Variants in COMMD10 observed in about 807,000 individuals in gnomAD.
COMMD10 encodes COMM domain-containing protein 10.
In COMMD10, 33 loss-of-function variants were observed where a neutral mutation model predicts 28.9. The observed-to-expected ratio is 1.14, with a 90% confidence interval of 0.87 to 1.53. The LOEUF (loss-of-function observed/expected upper bound fraction) is 1.53. Among genes scored for constraint, COMMD10 ranks in the 40% most tolerant of loss-of-function variants. COMMD10 has a pLI of 0.00. For missense variants in COMMD10, 310 were observed against 233.4 expected (o/e 1.33, Z -2.14); for synonymous variants, 110 against 81.7 (o/e 1.35, Z -1.87).
chr5:116,150,333 A>G (rs1048948676), intron 5 of COMMD10, among the ~76,000 whole-genome samples: 18 of 152,098 alleles, frequency 1.2e-4, no homozygotes, highest in Admixed American at 2.6e-4. Context: ...TTGACTTGGC[A>G]ATGCGGGCTC....
At chr5:116,155,681 C>T (rs1208498443) in intron 5 of COMMD10, among the ~76,000 whole-genome samples, 1 of 151,716 alleles carries the variant, frequency 6.6e-6, no homozygotes, top group Non-Finnish European at 1.5e-5. Flanking sequence ...GTTGTTTTTT[C>T]CCCTCCATAT....
At chr5:116,156,471 G>A (rs1260118423) in intron 5 of COMMD10, among the ~76,000 whole-genome samples, 1 of 152,132 alleles carries the variant, frequency 6.6e-6, no homozygotes, top group Non-Finnish European at 1.5e-5. Context: ...GGTCTTTCCA[G>A]ATTGGGGCTG....
intron 5 of COMMD10, among the ~76,000 whole-genome samples, chr5:116,248,495 A>G (rs1056551583): frequency 3.3e-5 from 5 of 152,020 alleles, no homozygotes; most frequent in Admixed American, 2.0e-4. Flanking sequence ...GTGCTGATCT[A>G]TGCCAGGTGT....
At chr5:116,212,092 T>A (rs1456417600) in intron 5 of COMMD10, among the ~76,000 whole-genome samples, 4 of 152,178 alleles carry the variant, frequency 2.6e-5, no homozygotes, top group Non-Finnish European at 4.4e-5. Context: ...TTTTAATTCT[T>A]AATTCCTTCC....
At chr5:116,123,926 C>T (rs1318096164) in intron 4 of COMMD10, among the ~76,000 whole-genome samples, 1 of 66,636 alleles carries the variant, frequency 1.5e-5, no homozygotes, top group African/African-American at 3.0e-5. Context: ...TCCCCTTTAT[C>T]ATTTTTTTTT....
At chr5:116,087,671 G>A in intron 2 of COMMD10, 84 bp downstream of exon 2, 1 of 907,052 alleles carries the variant, frequency 1.1e-6, no homozygotes, top group South Asian at 1.4e-5. Context: ...TTTTTGCAAA[G>A]CATAGTGTTC....
At chr5:116,113,644 A>G (rs894703916) in intron 4 of COMMD10, among the ~76,000 whole-genome samples, 2 of 151,932 alleles carry the variant, frequency 1.3e-5, no homozygotes, top group South Asian at 2.1e-4. Flanking sequence ...GGATTTTTTT[A>G]AAGACGTCTA....
chr5:116,164,864 T>C (rs987565638), intron 5 of COMMD10, among the ~76,000 whole-genome samples: 1 of 152,138 alleles, frequency 6.6e-6, no homozygotes, highest in African/African-American at 2.4e-5. Context: ...TAATGTGCCC[T>C]TGGCAAGGAG....
intron 5 of COMMD10, among the ~76,000 whole-genome samples, chr5:116,255,190 G>T (rs948340621): frequency 3.3e-5 from 5 of 151,664 alleles, no homozygotes; most frequent in African/African-American, 1.2e-4. Context: ...GCCTATGTGT[G>T]TCTCTGCCCG....
intron 4 of COMMD10, among the ~76,000 whole-genome samples, chr5:116,130,605 T>A (rs540890090): frequency 6.6e-6 from 1 of 152,114 alleles, no homozygotes; most frequent in East Asian, 1.9e-4. Context: ...TGAATGTGTA[T>A]GCGTTTTTCT....
intron 1 of COMMD10, among the ~76,000 whole-genome samples, chr5:116,086,241 C>G (rs941564682): frequency 6.6e-6 from 1 of 152,220 alleles, no homozygotes; most frequent in Non-Finnish European, 1.5e-5. Flanking sequence ...TTCCCAGCCT[C>G]CTGACCCTAT....
intron 5 of COMMD10, among the ~76,000 whole-genome samples, chr5:116,249,476 T>A (rs908426615): frequency 6.6e-6 from 1 of 151,964 alleles, no homozygotes; most frequent in Non-Finnish European, 1.5e-5. Context: ...AGAATTCTTA[T>A]ATAAGCAATG....
Position 116,087,738 on chromosome 5 carries a change from C to T in COMMD10, c.132+151C>T, listed in dbSNP as rs59624405. ...GGAAGATTTGGTAATGTTTCATGGTCAGAAGTTTGAGAAACTCTGTCTTCA... is the reference window on the plus strand; with the variant it reads ...GGAAGATTTGGTAATGTTTCATGGTTAGAAGTTTGAGAAACTCTGTCTTCA... On this transcript the variant is annotated intron_variant, in intron 2 of 6. Coordinates refer to ENST00000274458, the MANE Select transcript of COMMD10 (RefSeq NM_016144.4). 1,656 of 608,012 alleles carry T rather than the reference C, an allele frequency of 2.7e-3. 22 individuals are homozygous for T. The highest frequency in any genetic ancestry group is 0.026 in the African/African-American group (1,428 of 53,970). The allele number at this position is 608,012 out of a possible 1,614,324, so 37.7% of individuals were successfully genotyped here.
intron 5 of COMMD10, among the ~76,000 whole-genome samples, chr5:116,171,950 A>G (rs1033211314): frequency 2.0e-5 from 3 of 152,156 alleles, no homozygotes; most frequent in Admixed American, 1.3e-4. Context: ...TGTTCTGCAC[A>G]TGTATCCTAG....
chr5:116,092,500 T>A, intron 3 of COMMD10, 45 bp from the exon 4 acceptor site: 1 of 1,385,540 alleles, frequency 7.2e-7, no homozygotes, highest in Non-Finnish European at 9.7e-7. Flanking sequence ...AAAGTTTCAG[T>A]ATGAAGATGA....
At chr5:116,177,503 T>A (rs957718996) in intron 5 of COMMD10, among the ~76,000 whole-genome samples, 1 of 147,064 alleles carries the variant, frequency 6.8e-6, no homozygotes, top group Admixed American at 6.8e-5. Flanking sequence ...TATGATACTT[T>A]CCTGCTTAAA....
chr5:116,192,241 A>C (rs1748389422), intron 5 of COMMD10, among the ~76,000 whole-genome samples: 1 of 135,624 alleles, frequency 7.4e-6, no homozygotes, highest in African/African-American at 2.9e-5. Context: ...TGGTAATATG[A>C]CAAAAGAAGG....
intron 3 of COMMD10, 93 bp from the exon 4 acceptor site, chr5:116,092,452 T>A: frequency 1.1e-6 from 1 of 876,868 alleles, no homozygotes; most frequent in African/African-American, 1.7e-5. Context: ...TCTTTTGACT[T>A]AAGTCATTTA....
intron 5 of COMMD10, among the ~76,000 whole-genome samples, chr5:116,269,474 G>A (rs77094263): frequency 0.028 from 4,247 of 151,636 alleles, 267 homozygotes; most frequent in African/African-American, 0.097. Flanking sequence ...ATTTCAGGTA[G>A]TAAAATAAAA....
Sources: allele counts gnomAD v4.1 joint callset (sites outside exome capture counted in the v4.1 genomes callset), GRCh38; gene constraint gnomAD v4.1.1; transcripts MANE v1.5; gene names NCBI Gene and HGNC (gene_info 2026-07-23, HGNC 2026-07-21).